Variants in CTNNBL1 observed in about 807,000 individuals in gnomAD.
The protein encoded by CTNNBL1 is catenin beta like 1, also known as beta-catenin-like protein 1.
In CTNNBL1, 31 loss-of-function variants were observed where a neutral mutation model predicts 72.7. The observed-to-expected ratio is 0.43, with a 90% CI of 0.32 to 0.58. CTNNBL1 has a LOEUF of 0.58. Among genes scored for constraint, CTNNBL1 ranks in the 20% least tolerant of loss-of-function variants. The pLI is 0.08. For synonymous variants in CTNNBL1, 240 were observed against 267.3 expected (o/e 0.90, Z 1.00); for missense variants, 534 against 725.1 (o/e 0.74, Z 3.03).
chr20:37,833,581 T>C (rs1052922593), intron 11 of CTNNBL1, among the ~76,000 whole-genome samples: 1 of 152,164 alleles, frequency 6.6e-6, no homozygotes, highest in African/African-American at 2.4e-5. Context: ...TGTGTGTGTG[T>C]GCGTGTGTAC....
chr20:37,813,172 A>G (rs769761808), intron 11 of CTNNBL1, among the ~76,000 whole-genome samples: 1 of 152,202 alleles, frequency 6.6e-6, no homozygotes, highest in African/African-American at 2.4e-5. Flanking sequence ...ATTTTTACCA[A>G]GTTCCACAGG....
rs73621917 is a variant in CTNNBL1 at position 37,709,179 on chromosome 20, T to A, written c.30+15027T>A. ...AAGAGGGAGTTGAAACCAAGCAGAG[T>A]ATCATGATGCTTCTCTCTGAATATA... is the stretch of plus-strand genomic sequence containing the variant. On this transcript the variant is annotated intron_variant, in intron 1 of 15. Coordinates refer to ENST00000361383, the MANE Select transcript of CTNNBL1 (RefSeq NM_030877.5). Among the ~76,000 whole-genome samples, 25 of 152,180 alleles carry A rather than the reference T, an allele frequency of 1.6e-4. 1 individual carries two copies. The East Asian group carries it at 4.6e-3, about 28-fold the overall frequency.
chr20:37,867,599 C>T (rs1013064961), intron 15 of CTNNBL1, among the ~76,000 whole-genome samples: 2 of 152,172 alleles, frequency 1.3e-5, no homozygotes, highest in Admixed American at 1.3e-4. Flanking sequence ...ACGTGTATGC[C>T]GTCTTTCTCA....
intron 11 of CTNNBL1, among the ~76,000 whole-genome samples, chr20:37,803,694 C>T (rs1030340382): frequency 6.6e-6 from 1 of 152,240 alleles, no homozygotes; most frequent in East Asian, 1.9e-4. Flanking sequence ...TGGAGGCTGG[C>T]AGACACTTGC....
At chr20:37,819,259 C>G (rs2072085323) in intron 11 of CTNNBL1, among the ~76,000 whole-genome samples, 1 of 152,150 alleles carries the variant, frequency 6.6e-6, no homozygotes, top group Non-Finnish European at 1.5e-5. Context: ...AAGATCTAGG[C>G]TCTTTGGGTG....
intron 1 of CTNNBL1, among the ~76,000 whole-genome samples, chr20:37,727,717 A>C (rs2073096433): frequency 6.6e-6 from 1 of 152,232 alleles, no homozygotes; most frequent in South Asian, 2.1e-4. Context: ...GAATGGCTTA[A>C]GCCTCTGGGG....
intron 1 of CTNNBL1, among the ~76,000 whole-genome samples, chr20:37,699,563 A>G (rs2072822519): frequency 6.6e-6 from 1 of 152,246 alleles, no homozygotes; most frequent in African/African-American, 2.4e-5. Flanking sequence ...TTAAAGTTGA[A>G]GTATAGTCCA....
chr20:37,765,255 T>G lies in CTNNBL1; in HGVS notation c.623T>G (p.Val208Gly). The G allele has an allele frequency of 1.3e-6, 2 of 1,551,454 alleles. No homozygotes were observed. The highest frequency in any genetic ancestry group is 8.7e-7 in the Non-Finnish European group (1 of 1,146,812). ...VQNLERLDES[V>G]KEEADGVHNT... ...AATCTGGAGCGCCTGGATGAGTCTG[T>G]GAAAGAGGAGGCAGATGGCGTCCAC... The change falls in exon 6 of 16, where the codon GTG becomes GGG. Residue 208 changes from valine (V) to glycine (G), a missense_variant. Transcript: ENST00000361383.
At chr20:37,731,698 C>G (rs1398222769) in intron 1 of CTNNBL1, among the ~76,000 whole-genome samples, 1 of 152,188 alleles carries the variant, frequency 6.6e-6, no homozygotes, top group African/African-American at 2.4e-5. Context: ...TGGCTTATTT[C>G]ACTTTGCTTA....
intron 11 of CTNNBL1, among the ~76,000 whole-genome samples, chr20:37,832,577 G>A (rs1030217800): frequency 2.0e-5 from 3 of 152,204 alleles, no homozygotes; most frequent in Non-Finnish European, 4.4e-5. Context: ...CCATGTCCCT[G>A]TGATCCTAAA....
At chr20:37,757,461 G>C in intron 4 of CTNNBL1, 98 bp from the exon 5 acceptor site, 1 of 751,348 alleles carries the variant, frequency 1.3e-6, no homozygotes. Flanking sequence ...AAGGTAGATG[G>C]TGATAAAGCA....
intron 1 of CTNNBL1, among the ~76,000 whole-genome samples, chr20:37,699,769 G>T (rs955073514): frequency 6.6e-6 from 1 of 152,146 alleles, no homozygotes; most frequent in Non-Finnish European, 1.5e-5. Flanking sequence ...CAGATCCCAG[G>T]TGATGCTGAT....
intron 12 of CTNNBL1, 51 bp downstream of exon 12, chr20:37,840,250 C>T (rs1334886031): frequency 2.2e-6 from 3 of 1,341,914 alleles, no homozygotes; most frequent in East Asian, 2.3e-5. Flanking sequence ...TAGAAAGGCT[C>T]TTTACCTGAT....
At position 37,847,236 on chromosome 20, in the gene CTNNBL1, G is replaced by A. The variant is rs943530868; in HGVS notation, c.1392+4817G>A. 2.0e-5 allele frequency among the ~76,000 whole-genome samples: 3 copies of A among 152,158 alleles called. No homozygotes were observed. In the South Asian group the frequency reaches 6.2e-4, roughly 31 times the overall value. The stretch of plus-strand genomic sequence containing the variant: ...ACTACTTCGAAGAATCAACAGGACT[G>A]ATAGATAATTCTATACACATTCAGT... On this transcript the variant is annotated intron_variant, in intron 13 of 15. Transcript: ENST00000361383.
chr20:37,780,139 C>A (rs1411492629), intron 10 of CTNNBL1, among the ~76,000 whole-genome samples: 2 of 144,162 alleles, frequency 1.4e-5, no homozygotes. Context: ...TACAGAGGAG[C>A]AAGTTGAGAT....
At chr20:37,727,668 G>A (rs762302235) in intron 1 of CTNNBL1, among the ~76,000 whole-genome samples, 2 of 152,140 alleles carry the variant, frequency 1.3e-5, no homozygotes, top group South Asian at 2.1e-4. Flanking sequence ...AATACCTTTC[G>A]GATACCAAAA....
intron 10 of CTNNBL1, among the ~76,000 whole-genome samples, chr20:37,795,964 T>C (rs1244815423): frequency 1.3e-5 from 2 of 151,758 alleles, no homozygotes; most frequent in Non-Finnish European, 1.5e-5. Flanking sequence ...TGTTCTAAGA[T>C]ACAAAGTTAC....
chr20:37,712,874 G>A (rs2122561660), intron 1 of CTNNBL1, among the ~76,000 whole-genome samples: 1 of 152,310 alleles, frequency 6.6e-6, no homozygotes, highest in East Asian at 1.9e-4. Context: ...GCCGTTGGTG[G>A]GCACCACCCT....
chr20:37,720,622 A>G (rs143579721), intron 1 of CTNNBL1, among the ~76,000 whole-genome samples: 5 of 152,364 alleles, frequency 3.3e-5, no homozygotes, highest in African/African-American at 1.2e-4. Flanking sequence ...AGGTCTAAAT[A>G]GTCCAGCCAG....
Sources: gnomAD v4.1 joint callset for allele counts (sites outside exome capture counted in the v4.1 genomes callset) on GRCh38, gnomAD v4.1.1 for gene constraint, MANE v1.5 for transcripts, NCBI Gene and HGNC (gene_info 2026-07-23, HGNC 2026-07-21) for gene names.